PTPN21: variants seen among roughly 807,000 people sequenced by gnomAD.
PTPN21 encodes tyrosine-protein phosphatase non-receptor type 21.
A neutral mutation model predicts 131.8 loss-of-function variants in PTPN21; 77 were observed. That is an observed-to-expected ratio of 0.58 (90% CI 0.49 to 0.71). The LOEUF (loss-of-function observed/expected upper bound fraction) is 0.71. Ranked by LOEUF, PTPN21 falls within the 30% of genes least tolerant of loss-of-function variation. PTPN21 has a pLI of 0.00. For missense variants in PTPN21, 1,552 were observed against 1,527.1 expected (o/e 1.02, Z -0.27); for synonymous variants, 715 against 621.3 (o/e 1.15, Z -2.24).
chr14:88,549,888 G>A (rs910916725), intron 2 of PTPN21, among the ~76,000 whole-genome samples: 9 of 151,218 alleles, frequency 6.0e-5, no homozygotes, highest in South Asian at 2.1e-4. Flanking sequence ...TCAGCCTCCC[G>A]AGTAGGTAGG....
rs749242147 is a variant in PTPN21 at position 88,469,022 on chromosome 14, G to A, written c.3290C>T (p.Pro1097Leu). Residue 1097 changes from proline (P) to leucine (L), a missense_variant, in exon 18 of 19, where the codon CCC (proline) becomes CTC (leucine). Transcript: ENST00000556564. This position sits in a 1 kb window ranked among gnomAD's most constrained non-coding sequence, Gnocchi z 4.3. ...CAACAACGGAGGGTTGGGGCTTTGGGGATCACTTGTGCTATTTGTATGGCG... is the reference window on the plus strand; with the variant it reads ...CAACAACGGAGGGTTGGGGCTTTGGAGATCACTTGTGCTATTTGTATGGCG... ...VRRHTNSTSD[P>L]QSPNPPLLVH... 1.2e-6 allele frequency: 2 copies of A among 1,614,062 alleles called. No homozygotes were observed. The highest frequency in any genetic ancestry group is 1.7e-6 in the Non-Finnish European group (2 of 1,180,010).
chr14:88,529,983 G>GA (rs1211946748), intron 2 of PTPN21, among the ~76,000 whole-genome samples: 3,655 of 123,944 alleles, frequency 0.029, 55 homozygotes, highest in African/African-American at 0.05. Context: ...ACCATCTCAA[G>GA]AAAAAAAAAA....
intron 1 of PTPN21, among the ~76,000 whole-genome samples, chr14:88,554,261 C>T (rs936446206): frequency 1.3e-5 from 2 of 152,184 alleles, no homozygotes; most frequent in East Asian, 3.9e-4. Context: ...ATACTCTACT[C>T]CAAAAACAAA....
intron 3 of PTPN21, chr14:88,515,512 T>C (rs2078255207): frequency 6.6e-6 from 1 of 152,192 alleles, no homozygotes; most frequent in African/African-American, 2.4e-5. Flanking sequence ...ACCATGACTT[T>C]ATTGCTAATG....
At chr14:88,523,652 C>T (rs1240874682) in intron 2 of PTPN21, among the ~76,000 whole-genome samples, 3 of 151,296 alleles carry the variant, frequency 2.0e-5, no homozygotes, top group Admixed American at 1.3e-4. Flanking sequence ...AGTAGTAAAA[C>T]TATCTATGTA....
In PTPN21 at chr14:88,479,163, G is replaced by A. The variant is rs1408157609; in HGVS notation, c.2268C>T (p.His756=). The A allele has an allele frequency of 3.2e-6, 5 of 1,553,674 alleles. No homozygotes were observed. In the African/African-American group the frequency reaches 4.1e-5, roughly 13 times the overall value. The change falls in exon 13 of 19, where the codon CAC becomes CAT. Residue 756 remains histidine, a synonymous_variant. Coordinates refer to ENST00000556564, the MANE Select transcript of PTPN21 (RefSeq NM_007039.4). ...CPRVLLAGPL[H]ILEPKAHVPD... ...GGACGTGGGCCTTGGGCTCCAGGATGTGCAGGGGCCCGGCGAGCAGGACGC... is the reference window on the plus strand; with the variant it reads ...GGACGTGGGCCTTGGGCTCCAGGATATGCAGGGGCCCGGCGAGCAGGACGC...
intron 2 of PTPN21, among the ~76,000 whole-genome samples, chr14:88,522,003 G>T (rs1038135980): frequency 6.6e-6 from 1 of 152,140 alleles, no homozygotes. Context: ...CATGCAACAT[G>T]AATTAGAAAA....
intron 2 of PTPN21, among the ~76,000 whole-genome samples, chr14:88,518,384 GTGTATATATA>G (rs1406922436): frequency 0.019 from 253 of 13,324 alleles, 6 homozygotes; most frequent in African/African-American, 0.044. Flanking sequence ...ATGTGTGTGT[GTGTATATATA>G]TATATATATA....
At chr14:88,510,162 T>TAA (rs914656240) in intron 3 of PTPN21, among the ~76,000 whole-genome samples, 2 of 151,374 alleles carry the variant, frequency 1.3e-5, no homozygotes, top group African/African-American at 2.4e-5. Context: ...TGCTCTAACT[T>TAA]ATTCATTTCT....
chr14:88,501,113 G>T, intron 7 of PTPN21, 168 bp downstream of exon 7: 4 of 706,524 alleles, frequency 5.7e-6, no homozygotes, highest in South Asian at 3.7e-5. Flanking sequence ...CACAAAATGG[G>T]AATGTGTTTT....
At position 88,479,784 on chromosome 14, in the gene PTPN21, C is replaced by T. The variant is rs759958871; in HGVS notation, c.1647G>A (p.Ala549=). 6 of 1,545,028 alleles carry T rather than the reference C, an allele frequency of 3.9e-6. No individual in the cohort carries two copies. The highest frequency in any genetic ancestry group is 2.7e-5 in the African/African-American group (2 of 73,698). Residue 549 remains alanine (A), a synonymous_variant, in exon 13 of 19, where the codon GCG becomes GCA. Coordinates refer to ENST00000556564, the MANE Select transcript of PTPN21 (RefSeq NM_007039.4). ...VPELTNAQLQ[A]QDYPSPNIMR... is the part of the protein sequence containing the mutation. ...TGATGTTGGGAGACGGGTAGTCCTG[C>T]GCCTGCAGCTGCGCATTGGTCAGCT...
chr14:88,503,289 C>G (rs1361771195), intron 6 of PTPN21, among the ~76,000 whole-genome samples: 1 of 152,204 alleles, frequency 6.6e-6, no homozygotes, highest in Admixed American at 6.5e-5. Flanking sequence ...CCACCTCAGC[C>G]TCCCAAGTGC....
At chr14:88,495,375 G>C (rs2077895459) in intron 10 of PTPN21, among the ~76,000 whole-genome samples, 1 of 152,002 alleles carries the variant, frequency 6.6e-6, no homozygotes, top group Non-Finnish European at 1.5e-5. Context: ...AAGAGCTCAA[G>C]GAGGGCCGGG....
intron 13 of PTPN21, 127 bp from the exon 14 acceptor site, chr14:88,473,929 G>T: frequency 1.3e-6 from 1 of 741,560 alleles, no homozygotes; most frequent in Non-Finnish European, 2.1e-6. Context: ...AACCCAGAAA[G>T]ATTACACTCC....
intron 10 of PTPN21, among the ~76,000 whole-genome samples, chr14:88,494,493 T>A (rs1309448581): frequency 6.6e-6 from 1 of 151,432 alleles, no homozygotes; most frequent in Non-Finnish European, 1.5e-5. Context: ...CATAAGGAGA[T>A]CCTGCCTCTA....
At chr14:88,473,236 A>C (rs2077498615) in intron 14 of PTPN21, among the ~76,000 whole-genome samples, 1 of 152,196 alleles carries the variant, frequency 6.6e-6, no homozygotes, top group South Asian at 2.1e-4. Context: ...TTGATGTAAT[A>C]AAACCTCATA....
chr14:88,469,590 G>T lies in PTPN21; in HGVS notation c.3144C>A (p.His1048Gln). The T allele has an allele frequency of 6.2e-7, 1 of 1,614,170 alleles. No homozygotes were observed. Residue 1048 changes from histidine to glutamine, a missense_variant, in exon 17 of 19, where the codon CAC (histidine) becomes CAA (glutamine). His to Gln is a conservative substitution (Grantham distance 24). This residue lies in a region of PTPN21 where 316 missense variants were observed against 378.5 expected (regional missense o/e 0.83). Coordinates refer to ENST00000556564, the MANE Select transcript of PTPN21 (RefSeq NM_007039.4). This position sits in a 1 kb window ranked among gnomAD's most constrained non-coding sequence, Gnocchi z 4.3. The part of the protein sequence containing the change: ...CYATTGLKMK[H>Q]LLTGQERTVW... ...CGGTCCTCTCTTGCCCAGTAAGGAG[G>T]TGCTTCATCTTCAGGCCTGTGGTGG...
chr14:88,497,941 T>G (rs1473770008), intron 8 of PTPN21, among the ~76,000 whole-genome samples: 1 of 149,542 alleles, frequency 6.7e-6, no homozygotes, highest in Non-Finnish European at 1.5e-5. Context: ...CTACTAAGAA[T>G]ACAAAAAAAA....
At position 88,550,540 on chromosome 14, in the gene PTPN21, T is replaced by C. The variant is rs2078850775; in HGVS notation, c.-123A>G. The C allele has an allele frequency of 2.1e-6, 2 of 967,786 alleles. No homozygotes were observed. Among genetic ancestry groups the C allele is most frequent in the South Asian group, 1.8e-5 (1 of 56,742 alleles). The allele number at this position is 967,786 out of a possible 1,614,324, so 59.9% of individuals were successfully genotyped here. A position where few individuals can be genotyped will look rare whatever the true frequency, so the allele number is the denominator to read the frequency against. On this transcript the variant is annotated 5_prime_UTR_variant, in exon 2 of 19. Coordinates refer to ENST00000556564, the MANE Select transcript of PTPN21 (RefSeq NM_007039.4). Reference sequence around the variant, plus strand: ...GGACGAACACTGTCCGGCCTCCAGCTGCTCACCCAGCAGCCGCTGCCGCCA... The same window carrying C: ...GGACGAACACTGTCCGGCCTCCAGCCGCTCACCCAGCAGCCGCTGCCGCCA...
Sources: allele counts gnomAD v4.1 joint callset (sites outside exome capture counted in the v4.1 genomes callset), GRCh38; gene constraint gnomAD v4.1.1; regional missense constraint gnomAD v4.1.1; non-coding constraint Gnocchi (gnomAD v3.1); transcripts MANE v1.5; gene names NCBI Gene and HGNC (gene_info 2026-07-23, HGNC 2026-07-21).